Variants in PPIH observed in about 807,000 individuals in gnomAD.
The protein encoded by PPIH is peptidyl-prolyl cis-trans isomerase H.
In PPIH, 16 loss-of-function variants were observed where a neutral mutation model predicts 27.6. The observed-to-expected ratio is 0.58, with a 90% CI of 0.39 to 0.88. The LOEUF is 0.88. Ranked by LOEUF, PPIH falls within the 40% of genes least tolerant of loss-of-function variation. PPIH has a pLI of 0.00. For synonymous variants in PPIH, 63 were observed against 76.1 expected (o/e 0.83, Z 0.90); for missense variants, 155 against 224.1 (o/e 0.69, Z 1.97).
At position 42,667,348 on chromosome 1, in the gene PPIH, T is replaced by G. The variant is rs775637978; in HGVS notation, c.466-3T>G. ...TGAATCTCCATTGTGCTTTTTTTCC[T>G]AGAATGTTCCCACAGGCCCCAACAA... On this transcript the variant is annotated splice_polypyrimidine_tract_variant and splice_region_variant and intron_variant, in intron 8 of 9. Transcript: ENST00000304979. 1 of 1,600,832 alleles carries G rather than the reference T, an allele frequency of 6.2e-7. No homozygotes were observed. Among genetic ancestry groups the G allele is most frequent in the South Asian group, 1.1e-5 (1 of 90,756 alleles).
chr1:42,660,846 T>C lies in PPIH; in HGVS notation c.201-16T>C, dbSNP rs753104324. On this transcript the variant is annotated splice_polypyrimidine_tract_variant and intron_variant, in intron 4 of 9. Coordinates refer to ENST00000304979, the MANE Select transcript of PPIH (RefSeq NM_006347.4). ...AACCATAAAATCTTCTCAGTATTCT[T>C]TGCTCTCTGTTTCAGGGTCATAAAG... is the stretch of plus-strand genomic sequence containing the variant. The C allele has an allele frequency of 8.2e-6, 13 of 1,589,544 alleles. No individual in the cohort carries two copies. The highest frequency in any genetic ancestry group is 1.8e-5 in the Admixed American group (1 of 55,392).
intron 6 of PPIH, among the ~76,000 whole-genome samples, chr1:42,665,391 G>A (rs1040438457): frequency 6.6e-6 from 1 of 152,150 alleles, no homozygotes; most frequent in Non-Finnish European, 1.5e-5. Context: ...GGCAACAAGA[G>A]CGAAACTCCA....
chr1:42,658,985 C>T (rs1251028561), intron 2 of PPIH, 77 bp downstream of exon 2: 4 of 1,492,806 alleles, frequency 2.7e-6, no homozygotes, highest in Non-Finnish European at 3.7e-6. Flanking sequence ...AATAGCCTGT[C>T]TACCTCTGTC....
downstream of PPIH, among the ~76,000 whole-genome samples, chr1:42,679,099 C>T (rs1309249165): frequency 6.6e-6 from 1 of 152,146 alleles, no homozygotes; most frequent in Non-Finnish European, 1.5e-5. Context: ...GTGTGAGCTC[C>T]CAGGATGGCA....
chr1:42,663,172 G>A (rs1422991811), intron 5 of PPIH, among the ~76,000 whole-genome samples: 1 of 152,106 alleles, frequency 6.6e-6, no homozygotes, highest in Non-Finnish European at 1.5e-5. Flanking sequence ...TCTTCCTTCT[G>A]TATTAATATG....
chr1:42,675,505 A>G (rs1311177370), intron 9 of PPIH, among the ~76,000 whole-genome samples: 3 of 152,204 alleles, frequency 2.0e-5, no homozygotes, highest in Admixed American at 2.0e-4. Context: ...ATGCTGACTA[A>G]CATAGTGCCT....
intron 9 of PPIH, among the ~76,000 whole-genome samples, chr1:42,670,941 G>A (rs939950010): frequency 5.9e-5 from 9 of 152,012 alleles, no homozygotes; most frequent in Admixed American, 5.2e-4. Context: ...GATTACAGGC[G>A]CACGCTGCCA....
chr1:42,665,097 C>T (rs1387903865), intron 6 of PPIH, 142 bp downstream of exon 6: 2 of 706,148 alleles, frequency 2.8e-6, no homozygotes, highest in African/African-American at 3.7e-5. Flanking sequence ...CACCTCCTTT[C>T]TTAGTCTGGT....
rs1259140459 is a variant in PPIH, at chr1:42,658,622, A to G, written c.66+110A>G. 20 of 1,321,336 alleles carry G rather than the reference A, an allele frequency of 1.5e-5. No homozygotes were observed. The East Asian group carries it at 4.2e-4, about 28-fold the overall frequency. 81.9% of individuals were successfully genotyped at this position (1,321,336 alleles called of 1,614,324 possible). A position where few individuals can be genotyped will look rare whatever the true frequency, so the allele number is the denominator to read the frequency against. ...CTCGGGAAGCCAGCCAGAAAGTGAA[A>G]TTGCACCCGAACCTACCGACCTGCC... On this transcript the variant is annotated intron_variant, in intron 1 of 9. Transcript: ENST00000304979.
chr1:42,659,881 T>G (rs895034953), intron 4 of PPIH, among the ~76,000 whole-genome samples: 2 of 152,234 alleles, frequency 1.3e-5, no homozygotes, highest in Admixed American at 1.3e-4. Flanking sequence ...CTGGTTGATA[T>G]TTATAACTAA....
downstream of PPIH, among the ~76,000 whole-genome samples, chr1:42,679,555 GAGTA>G (rs1286739866): frequency 6.6e-6 from 1 of 152,224 alleles, no homozygotes; most frequent in Non-Finnish European, 1.5e-5. Flanking sequence ...GTAACTGGAT[GAGTA>G]AGTAATGATA....
At chr1:42,661,096 G>A (rs183038282) in intron 5 of PPIH, 192 bp downstream of exon 5, 23 of 562,678 alleles carry the variant, frequency 4.1e-5, no homozygotes, top group African/African-American at 3.6e-4. Context: ...GTAGATAACC[G>A]ACTTTAGCAC....
chr1:42,658,457 C>T lies in PPIH; in HGVS notation c.11C>T (p.Ala4Val). The part of the protein sequence containing the change: MAV[A>V]NSSPVNPVVF... ...TTCCGGGTCGGAGCCATGGCGGTGGCAAATTCAAGTCCTGTTAACCCCGTG... is the reference window on the plus strand; with the variant it reads ...TTCCGGGTCGGAGCCATGGCGGTGGTAAATTCAAGTCCTGTTAACCCCGTG... Residue 4 changes from alanine (A) to valine (V), a missense_variant, in exon 1 of 10, where the codon GCA (alanine) becomes GTA (valine). By Grantham distance (64) the Ala-to-Val change is moderately conservative. Around this residue, in one of 2 missense-constraint regions of PPIH, gnomAD observed 59 missense variants for 48.8 expected, o/e 1.21. Transcript: ENST00000304979. 6.2e-7 allele frequency: 1 copy of T among 1,614,134 alleles called. No individual in the cohort carries two copies.
At chr1:42,665,886 T>C in intron 6 of PPIH, 94 bp from the exon 7 acceptor site, 2 of 1,008,214 alleles carry the variant, frequency 2.0e-6, no homozygotes, top group Non-Finnish European at 3.2e-6. Flanking sequence ...AAAAAAACCA[T>C]AGAGGAATCA....
rs552786420 is a variant in PPIH, at chr1:42,659,322, G to A, written c.155+71G>A. On this transcript the variant is annotated intron_variant, in intron 3 of 9. Coordinates refer to ENST00000304979, the MANE Select transcript of PPIH (RefSeq NM_006347.4). ...GTTCTGGGGCTGCAGTGAGGGTATC[G>A]GTGAACCACCTGCTGGCCTTGAATG... 46 of 1,614,170 alleles carry A rather than the reference G, an allele frequency of 2.8e-5. 1 individual carries two copies. In the South Asian group the frequency reaches 3.6e-4, roughly 13 times the overall value.
Position 42,667,298 on chromosome 1 carries a change from G to C in PPIH, c.466-53G>C. 3 of 1,499,766 alleles carry C rather than the reference G, an allele frequency of 2.0e-6. No individual in the cohort carries two copies. In the South Asian group the frequency reaches 3.4e-5, roughly 17 times the overall value. The allele number at this position is 1,499,766 out of a possible 1,614,324, so 92.9% of individuals were successfully genotyped here. A position where few individuals can be genotyped will look rare whatever the true frequency, so the allele number is the denominator to read the frequency against. The stretch of plus-strand genomic sequence containing the variant: ...GCAGGCATCAGTAAAAGTTTGATAA[G>C]GGAACGAGGAAGTGCCTGAGTGGAT... On this transcript the variant is annotated intron_variant, in intron 8 of 9. Coordinates refer to ENST00000304979, the MANE Select transcript of PPIH (RefSeq NM_006347.4).
At chr1:42,659,383 G>A (rs777237580) in intron 3 of PPIH, 132 bp downstream of exon 3, 8 of 1,614,140 alleles carry the variant, frequency 5.0e-6, no homozygotes, top group South Asian at 1.1e-5. Context: ...AATGCCCCAA[G>A]GGTCTGTCCC....
At position 42,666,535 on chromosome 1, in the gene PPIH, C is replaced by T. The variant is rs977662828; in HGVS notation, c.425-12C>T. 6.2e-7 allele frequency: 1 copy of T among 1,613,032 alleles called. No homozygotes were observed. The highest frequency in any genetic ancestry group is 1.3e-5 in the African/African-American group (1 of 74,914). On this transcript the variant is annotated splice_polypyrimidine_tract_variant and intron_variant, in intron 7 of 9. Coordinates refer to ENST00000304979, the MANE Select transcript of PPIH (RefSeq NM_006347.4). ...AAACAAGAATAAAGTCCAGCTCATG[C>T]TCTTCCTACAGGAAAAATCATCGAT... is the stretch of plus-strand genomic sequence containing the variant.
chr1:42,663,415 T>C (rs931224828), intron 5 of PPIH, among the ~76,000 whole-genome samples: 59 of 151,952 alleles, frequency 3.9e-4, no homozygotes, highest in Non-Finnish European at 1.5e-4. Flanking sequence ...TTTTTTTTTT[T>C]AGATGGAGTC....
Sources: gnomAD v4.1 joint callset for allele counts (sites outside exome capture counted in the v4.1 genomes callset) on GRCh38, gnomAD v4.1.1 for gene constraint, gnomAD v4.1.1 regional missense constraint, MANE v1.5 for transcripts, NCBI Gene and HGNC (gene_info 2026-07-23, HGNC 2026-07-21) for gene names.